The following ADCY8 variants were observed in gnomAD, a reference collection of about 807,000 sequenced individuals.
ADCY8 encodes the protein adenylate cyclase 8.
A neutral mutation model predicts 119.7 loss-of-function variants in ADCY8; 51 were observed. The ratio of observed to expected loss-of-function variants is 0.43; its 90% CI spans 0.34 to 0.54. The LOEUF (loss-of-function observed/expected upper bound fraction) is 0.54, where lower values mean the gene tolerates loss of function less well. ADCY8 is among the 20% of genes least tolerant of loss of function. The probability of loss-of-function intolerance (pLI) is 0.03; values close to 1 mark genes in which losing one functional copy is unlikely to be tolerated. For missense variants in ADCY8, 1,383 were observed against 1,598.8 expected (o/e 0.87, Z 2.30); for synonymous variants, 665 against 651.0 (o/e 1.02, Z -0.33).
intron 2 of ADCY8, among the ~76,000 whole-genome samples, chr8:130,987,716 T>C (rs919496195): frequency 6.6e-6 from 1 of 152,200 alleles, no homozygotes; most frequent in African/African-American, 2.4e-5. Flanking sequence ...TTATAATTAG[T>C]TCTGATAAGA....
At chr8:131,004,182 G>A (rs1296251279) in intron 1 of ADCY8, among the ~76,000 whole-genome samples, 7 of 152,136 alleles carry the variant, frequency 4.6e-5, no homozygotes, top group Non-Finnish European at 5.9e-5. Flanking sequence ...GTTTACACGA[G>A]CAAAGAACAG....
At chr8:130,795,238 G>A (rs1815542947) in intron 15 of ADCY8, among the ~76,000 whole-genome samples, 2 of 152,214 alleles carry the variant, frequency 1.3e-5, no homozygotes, top group South Asian at 4.1e-4. Context: ...CTTTGCAGAT[G>A]AATCAGCAGA....
At chr8:130,949,103 G>A (rs1441814401) in intron 3 of ADCY8, among the ~76,000 whole-genome samples, 1 of 151,760 alleles carries the variant, frequency 6.6e-6, no homozygotes, top group Admixed American at 6.6e-5. Flanking sequence ...TGAACTTCTG[G>A]AAAAGGGTCT....
rs1822536429 is a variant in ADCY8 at position 130,990,378 on chromosome 8, C to T, written c.1110+15G>A. 2 of 1,613,570 alleles carry T rather than the reference C, an allele frequency of 1.2e-6. No individual in the cohort carries two copies. Among genetic ancestry groups the T allele is most frequent in the Non-Finnish European group, 1.7e-6 (2 of 1,179,766 alleles). ...CTAGGTGATAACTAAAACACACAGC[C>T]TTGTCAGTTGGTACCTGTCTTTGGT... On this transcript the variant is annotated intron_variant, in intron 2 of 17. Coordinates refer to ENST00000286355, the MANE Select transcript of ADCY8 (RefSeq NM_001115.3).
intron 14 of ADCY8, among the ~76,000 whole-genome samples, chr8:130,810,608 C>T (rs1816134568): frequency 6.6e-6 from 1 of 152,140 alleles, no homozygotes; most frequent in Non-Finnish European, 1.5e-5. Context: ...TTCTCAATTG[C>T]CTATTTCAGT....
intron 1 of ADCY8, among the ~76,000 whole-genome samples, chr8:130,996,421 C>A (rs970738055): frequency 5.3e-5 from 8 of 151,956 alleles, no homozygotes; most frequent in African/African-American, 1.9e-4. Flanking sequence ...TCTTGACCAA[C>A]CAGAAGGTAA....
intron 3 of ADCY8, 64 bp downstream of exon 3, chr8:130,951,804 A>C (rs1313288489): frequency 6.3e-7 from 1 of 1,591,364 alleles, no homozygotes; most frequent in Non-Finnish European, 8.6e-7. Context: ...ACGGAAGTGC[A>C]ATGAGAGCAC....
chr8:130,926,064 T>G (rs771173192), intron 5 of ADCY8, among the ~76,000 whole-genome samples: 18 of 152,212 alleles, frequency 1.2e-4, no homozygotes, highest in Admixed American at 2.6e-4. Flanking sequence ...AGCCCCAGCG[T>G]ATCGTACCCT....
chr8:130,833,598 T>C (rs920924692), intron 12 of ADCY8, among the ~76,000 whole-genome samples: 2 of 152,152 alleles, frequency 1.3e-5, no homozygotes, highest in Admixed American at 1.3e-4. Flanking sequence ...GTTAATGAAA[T>C]GAGCCAGGCT....
At chr8:130,816,417 ATTT>A (rs369547834) in intron 13 of ADCY8, among the ~76,000 whole-genome samples, 2 of 121,108 alleles carry the variant, frequency 1.7e-5, no homozygotes, top group African/African-American at 6.0e-5. Flanking sequence ...TTCTTAATTA[ATTT>A]TTTTTTCTTT....
chr8:130,813,883 C>T (rs556137284), intron 14 of ADCY8, among the ~76,000 whole-genome samples, 186 bp downstream of exon 14: 1 of 152,258 alleles, frequency 6.6e-6, no homozygotes, highest in South Asian at 2.1e-4. Flanking sequence ...CTTATTATAT[C>T]CATCTTGTAG....
chr8:130,947,665 G>T (rs192053182), intron 3 of ADCY8, among the ~76,000 whole-genome samples: 1 of 152,290 alleles, frequency 6.6e-6, no homozygotes, highest in Admixed American at 6.5e-5. Flanking sequence ...CTCTAAAAAC[G>T]AGGATTTTTT....
At chr8:130,919,327 C>T (rs895845170) in intron 5 of ADCY8, among the ~76,000 whole-genome samples, 1 of 152,014 alleles carries the variant, frequency 6.6e-6, no homozygotes, top group Non-Finnish European at 1.5e-5. Flanking sequence ...ACACACCACA[C>T]ACATGATGTA....
chr8:130,825,913 G>A (rs1343110524), intron 12 of ADCY8, among the ~76,000 whole-genome samples: 1 of 152,182 alleles, frequency 6.6e-6, no homozygotes, highest in Non-Finnish European at 1.5e-5. Context: ...AGACACTAAA[G>A]AGACTCAGCT....
At chr8:130,791,299 A>T (rs1012787382) in intron 15 of ADCY8, among the ~76,000 whole-genome samples, 2 of 152,178 alleles carry the variant, frequency 1.3e-5, no homozygotes, top group African/African-American at 4.8e-5. Flanking sequence ...GGACCTATGC[A>T]TGCCTGTGGG....
At chr8:130,983,050 C>T (rs1822285989) in intron 2 of ADCY8, among the ~76,000 whole-genome samples, 1 of 152,170 alleles carries the variant, frequency 6.6e-6, no homozygotes, top group African/African-American at 2.4e-5. Context: ...ACATCTCATC[C>T]TAATGGAGCA....
intron 9 of ADCY8, among the ~76,000 whole-genome samples, chr8:130,866,435 A>G (rs1818126680): frequency 6.6e-6 from 1 of 152,112 alleles, no homozygotes. Flanking sequence ...AGTTATGAAC[A>G]TTGAACTTCT....
intron 15 of ADCY8, among the ~76,000 whole-genome samples, chr8:130,788,282 A>G (rs1364893458): frequency 6.6e-6 from 1 of 152,246 alleles, no homozygotes; most frequent in Non-Finnish European, 1.5e-5. Context: ...AATGTGTTAT[A>G]TATACACAAC....
chr8:130,828,724 C>A (rs976951843), intron 12 of ADCY8, among the ~76,000 whole-genome samples: 1 of 152,158 alleles, frequency 6.6e-6, no homozygotes, highest in Non-Finnish European at 1.5e-5. Context: ...ATTTTAGTCT[C>A]AATACTGTCC....
Sources: gnomAD v4.1 joint callset for allele counts (sites outside exome capture counted in the v4.1 genomes callset) on GRCh38, gnomAD v4.1.1 for gene constraint, MANE v1.5 for transcripts, NCBI Gene and HGNC (gene_info 2026-07-23, HGNC 2026-07-21) for gene names.